The following SOX6 variants were observed in gnomAD, a reference collection of about 807,000 sequenced individuals.
SOX6 encodes the protein transcription factor SOX-6.
Under a neutral mutation model 97.8 loss-of-function variants are expected in SOX6, and 11 were observed. That is an observed-to-expected ratio of 0.11 (90% CI 0.07 to 0.19). The LOEUF is 0.19. Ranked by LOEUF, SOX6 falls within the 10% of genes least tolerant of loss-of-function variation. The probability of loss-of-function intolerance (pLI) is 1.00; values close to 1 mark genes in which losing one functional copy is unlikely to be tolerated. For missense variants in SOX6, 810 were observed against 1,039.5 expected, an observed-to-expected ratio of 0.78 and a Z score of 3.04; for synonymous variants, 360 against 371.4, an observed-to-expected ratio of 0.97 and a Z score of 0.35.
intron 13 of SOX6, among the ~76,000 whole-genome samples, chr11:15,990,409 T>C (rs1304594292): frequency 6.6e-6 from 1 of 151,864 alleles, no homozygotes; most frequent in Non-Finnish European, 1.5e-5. Context: ...CCTGATGCTA[T>C]ATAATTTCCA....
intron 12 of SOX6, among the ~76,000 whole-genome samples, chr11:16,040,912 T>A (rs934552380): frequency 1.3e-5 from 2 of 152,088 alleles, no homozygotes; most frequent in African/African-American, 4.8e-5. Flanking sequence ...TTCATTGTCG[T>A]GACATAAAGA....
chr11:16,658,732 G>A (rs373240418), intron 3 of SOX6, among the ~76,000 whole-genome samples: 6 of 151,894 alleles, frequency 4.0e-5, no homozygotes, highest in African/African-American at 1.5e-4. Flanking sequence ...GTTCTCCTGA[G>A]TTTGGCTTGA....
At chr11:16,164,832 A>G (rs575693413) in intron 6 of SOX6, among the ~76,000 whole-genome samples, 74 of 151,438 alleles carry the variant, frequency 4.9e-4, no homozygotes, top group African/African-American at 1.5e-3. Flanking sequence ...AAAAAAAAAA[A>G]AAAGAAAGAA....
chr11:16,494,582 AAAG>A (rs146187843), intron 4 of SOX6, among the ~76,000 whole-genome samples: 26,115 of 152,024 alleles, frequency 0.17, 2,265 homozygotes, highest in African/African-American at 0.19. Flanking sequence ...CCTCCTACAC[AAAG>A]AAGAACCAAA....
Position 16,282,936 on chromosome 11 carries a change from C to A in SOX6, c.445+35510G>T, listed in dbSNP as rs555459955. On this transcript the variant is annotated intron_variant, in intron 3 of 15. Coordinates refer to ENST00000683767, the MANE Select transcript of SOX6 (RefSeq NM_001367873.1). ...CAATATTTTGGCAAGATATCAAATA[C>A]AACTCTATAATTGCCCATATTAAAA... Among the ~76,000 whole-genome samples, 21 of 149,108 alleles carry A rather than the reference C, an allele frequency of 1.4e-4. No individual in the cohort carries two copies. The South Asian group carries it at 4.4e-3, about 31-fold the overall frequency.
chr11:16,252,967 T>C (rs1044394978), intron 3 of SOX6, among the ~76,000 whole-genome samples: 4 of 152,168 alleles, frequency 2.6e-5, no homozygotes, highest in Non-Finnish European at 5.9e-5. Flanking sequence ...TAAAGTCCTA[T>C]TTATTACGGT....
intron 3 of SOX6, among the ~76,000 whole-genome samples, chr11:16,618,521 T>A (rs1397654641): frequency 6.6e-6 from 1 of 151,902 alleles, no homozygotes; most frequent in African/African-American, 2.4e-5. Flanking sequence ...AAGATAAACA[T>A]ATGCAACTTA....
chr11:16,548,021 C>T (rs904016684), intron 4 of SOX6, among the ~76,000 whole-genome samples: 16 of 151,646 alleles, frequency 1.1e-4, no homozygotes, highest in Non-Finnish European at 1.5e-4. Context: ...TAAAAGCAGC[C>T]GCATGGGGAA....
At chr11:16,094,213 A>G (rs1848748358) in intron 9 of SOX6, among the ~76,000 whole-genome samples, 1 of 151,588 alleles carries the variant, frequency 6.6e-6, no homozygotes, top group South Asian at 2.1e-4. Flanking sequence ...TCACTACAGC[A>G]CTACAGAGCT....
chr11:16,657,516 G>A (rs1351336597), intron 3 of SOX6, among the ~76,000 whole-genome samples: 1 of 152,196 alleles, frequency 6.6e-6, no homozygotes, highest in Non-Finnish European at 1.5e-5. Flanking sequence ...GTAAGAAACT[G>A]CCAAACTGTT....
At chr11:16,450,772 C>T (rs1212795065) in intron 1 of SOX6, among the ~76,000 whole-genome samples, 3 of 152,072 alleles carry the variant, frequency 2.0e-5, no homozygotes, top group Non-Finnish European at 2.9e-5. Flanking sequence ...CTAATAAATG[C>T]CCATTTCAAT....
intron 3 of SOX6, among the ~76,000 whole-genome samples, chr11:16,680,309 T>G (rs1263514226): frequency 6.6e-6 from 1 of 152,198 alleles, no homozygotes; most frequent in Non-Finnish European, 1.5e-5. Flanking sequence ...ATATTCAACA[T>G]TCTTAAAGAA....
intron 4 of SOX6, among the ~76,000 whole-genome samples, chr11:16,512,297 C>T (rs905920952): frequency 1.3e-5 from 2 of 152,192 alleles, no homozygotes; most frequent in African/African-American, 4.8e-5. Flanking sequence ...ATTTGTTGAT[C>T]ACTTAGTGAA....
intron 7 of SOX6, among the ~76,000 whole-genome samples, chr11:16,107,412 T>C (rs1279187425): frequency 3.5e-5 from 5 of 142,852 alleles, no homozygotes; most frequent in African/African-American, 1.4e-4. Flanking sequence ...TATGTATATA[T>C]ATATACATAT....
chr11:16,562,415 A>C (rs1472679561), intron 4 of SOX6, among the ~76,000 whole-genome samples: 2 of 152,134 alleles, frequency 1.3e-5, no homozygotes, highest in African/African-American at 2.4e-5. Context: ...AAAGTCCCCC[A>C]AAAAAGTTTG....
chr11:16,635,382 C>A (rs577871521), intron 3 of SOX6, among the ~76,000 whole-genome samples: 1 of 152,324 alleles, frequency 6.6e-6, no homozygotes, highest in East Asian at 1.9e-4. Flanking sequence ...AAAGGTAACT[C>A]TTGCTGTGCA....
rs141496080 is a variant in SOX6, at chr11:16,047,860, C to G, written c.1436-1159G>C. On this transcript the variant is annotated intron_variant, in intron 11 of 15. Coordinates refer to ENST00000683767, the MANE Select transcript of SOX6 (RefSeq NM_001367873.1). ...TTTGAGTTTGGAAAAAATTCCCAAG[C>G]TATACATGGAATTTTTTTTTTAAGT... Among the ~76,000 whole-genome samples, 16 of 151,938 alleles carry G rather than the reference C, an allele frequency of 1.1e-4. No individual in the cohort carries two copies. In the East Asian group the frequency reaches 1.5e-3, roughly 15 times the overall value.
At chr11:16,474,835 C>A (rs12796718) in intron 1 of SOX6, among the ~76,000 whole-genome samples, 1 of 152,054 alleles carries the variant, frequency 6.6e-6, no homozygotes, top group Admixed American at 6.6e-5. Flanking sequence ...CCTCTCTGGC[C>A]ATCAAAGTCC....
At chr11:16,726,096 G>T (rs1056138220) in intron 2 of SOX6, among the ~76,000 whole-genome samples, 3 of 152,156 alleles carry the variant, frequency 2.0e-5, no homozygotes, top group Non-Finnish European at 4.4e-5. Context: ...TCTTTTGAGG[G>T]TGATGAAAAT....
Sources: gnomAD v4.1 joint callset for allele counts (sites outside exome capture counted in the v4.1 genomes callset) on GRCh38, gnomAD v4.1.1 for gene constraint, MANE v1.5 for transcripts, NCBI Gene and HGNC (gene_info 2026-07-23, HGNC 2026-07-21) for gene names.